Variants in CAMSAP1 observed in about 807,000 individuals in gnomAD.
The protein encoded by CAMSAP1 is calmodulin regulated spectrin associated protein 1, also known as calmodulin-regulated spectrin-associated protein 1.
Under a neutral mutation model 143.5 loss-of-function variants are expected in CAMSAP1, and 58 were observed. The observed-to-expected ratio is 0.40, with a 90% CI of 0.33 to 0.50. The LOEUF is 0.50. Among genes scored for constraint, CAMSAP1 ranks in the 20% least tolerant of loss-of-function variants. The pLI is 0.45. For missense variants in CAMSAP1, 1,969 were observed against 2,115.7 expected, an observed-to-expected ratio of 0.93 and a Z score of 1.36; for synonymous variants, 945 against 859.3, an observed-to-expected ratio of 1.10 and a Z score of -1.74.
intron 3 of CAMSAP1, among the ~76,000 whole-genome samples, chr9:135,880,243 C>T (rs1273243482): frequency 6.6e-6 from 1 of 152,138 alleles, no homozygotes; most frequent in Non-Finnish European, 1.5e-5. Context: ...GGCCTGAACA[C>T]CATTTTCCAC....
At chr9:135,835,033 G>T (rs2131694076) in intron 7 of CAMSAP1, among the ~76,000 whole-genome samples, 1 of 152,244 alleles carries the variant, frequency 6.6e-6, no homozygotes, top group African/African-American at 2.4e-5. Context: ...TCAGCAGCCA[G>T]GGGAGGCTGT....
At chr9:135,827,092 T>C (rs1488981680) in intron 8 of CAMSAP1, among the ~76,000 whole-genome samples, 2 of 152,182 alleles carry the variant, frequency 1.3e-5, no homozygotes, top group African/African-American at 4.8e-5. Flanking sequence ...ACCTAAACTG[T>C]CAATTCAACT....
intron 7 of CAMSAP1, among the ~76,000 whole-genome samples, chr9:135,848,437 G>C (rs1339609374): frequency 6.6e-6 from 1 of 152,112 alleles, no homozygotes; most frequent in Admixed American, 6.5e-5. Flanking sequence ...CTCGGGTCCA[G>C]AAGAGAAAGT....
intron 3 of CAMSAP1, among the ~76,000 whole-genome samples, chr9:135,867,302 G>T (rs1021711521): frequency 6.6e-6 from 1 of 152,052 alleles, no homozygotes; most frequent in Non-Finnish European, 1.5e-5. Context: ...GAAAGTAGAA[G>T]AAAGGATATT....
In CAMSAP1 at chr9:135,821,435, C is replaced by G. The variant is rs150096487; in HGVS notation, c.3226G>C (p.Val1076Leu). 6.2e-7 allele frequency: 1 copy of G among 1,614,054 alleles called. No homozygotes were observed. Among genetic ancestry groups the G allele is most frequent in the Non-Finnish European group, 8.5e-7 (1 of 1,179,900 alleles). ...DHKVKAPVHF[V>L]EPLSPTGVAG... ...ACGCCCGTGGGAGAGAGTGGCTCCA[C>G]GAAGTGGACTGGTGCCTTCACTTTG... Residue 1076 changes from valine to leucine, a missense_variant, in exon 11 of 17, where the codon GTG becomes CTG. Around this residue, in one of 4 missense-constraint regions of CAMSAP1, gnomAD observed 1,390 missense variants for 1,420.8 expected, o/e 0.98. Coordinates refer to ENST00000389532, the MANE Select transcript of CAMSAP1 (RefSeq NM_015447.4). This position sits in a 1 kb window ranked among gnomAD's most constrained non-coding sequence, Gnocchi z 4.6.
rs751697380 is a variant in CAMSAP1 at position 135,821,979 on chromosome 9, G to A, written c.2682C>T (p.Ala894=). 8.7e-6 allele frequency: 14 copies of A among 1,612,634 alleles called. No homozygotes were observed. Among genetic ancestry groups the A allele is most frequent in the Non-Finnish European group, 1.2e-5 (14 of 1,179,536 alleles). ...ACAGCGCCTCCATCTTCTTCTTCTG[G>A]GCCTCGATGGCCCTGCGCTTCTCCT... ...QLEEKRRAIE[A]QKKKMEALSA... Residue 894 remains alanine (A), a synonymous_variant, in exon 11 of 17, where the codon GCC becomes GCT. Transcript: ENST00000389532. The surrounding 1 kb of genome is among the most constrained non-coding windows in gnomAD (Gnocchi z 4.6).
intron 7 of CAMSAP1, among the ~76,000 whole-genome samples, chr9:135,835,004 G>A (rs1835970712): frequency 1.3e-5 from 2 of 152,094 alleles, no homozygotes; most frequent in Admixed American, 6.5e-5. Flanking sequence ...GTGGAGCTGC[G>A]GGGTGTAGCC....
chr9:135,872,325 T>C (rs146765486), intron 3 of CAMSAP1, among the ~76,000 whole-genome samples: 184 of 152,322 alleles, frequency 1.2e-3, no homozygotes, highest in African/African-American at 4.2e-3. Flanking sequence ...CTTCTGCTAT[T>C]TGTGCAATGG....
chr9:135,829,980 T>G (rs1835803567), intron 7 of CAMSAP1, among the ~76,000 whole-genome samples: 1 of 152,004 alleles, frequency 6.6e-6, no homozygotes, highest in Admixed American at 6.6e-5. Context: ...AGCTGAGAGG[T>G]CTTGCATATA....
chr9:135,838,589 C>T (rs377134225), intron 7 of CAMSAP1, among the ~76,000 whole-genome samples: 13 of 148,938 alleles, frequency 8.7e-5, no homozygotes, highest in African/African-American at 2.5e-4. Flanking sequence ...CACATCATCA[C>T]GCACTTTCTA....
chr9:135,845,362 G>C (rs1174169088), intron 7 of CAMSAP1, among the ~76,000 whole-genome samples: 1 of 152,078 alleles, frequency 6.6e-6, no homozygotes, highest in Non-Finnish European at 1.5e-5. Flanking sequence ...TTGATGGGAC[G>C]TATCTCAAAA....
At chr9:135,906,976 C>G (rs1172215293) in intron 1 of CAMSAP1, 24 bp downstream of exon 1, 3 of 1,048,780 alleles carry the variant, frequency 2.9e-6, no homozygotes, top group African/African-American at 1.7e-5. Flanking sequence ...CTGGCCCCCG[C>G]CCCGCGCCCC....
intron 1 of CAMSAP1, among the ~76,000 whole-genome samples, chr9:135,890,337 C>T (rs1172794957): frequency 2.0e-5 from 3 of 152,094 alleles, no homozygotes; most frequent in Non-Finnish European, 4.4e-5. Flanking sequence ...CTGCGGGAGG[C>T]TCTGGCCGGC....
chr9:135,895,964 G>A (rs976245014), intron 1 of CAMSAP1, among the ~76,000 whole-genome samples: 3 of 152,058 alleles, frequency 2.0e-5, no homozygotes, highest in Non-Finnish European at 2.9e-5. Context: ...GTCAAGAGAA[G>A]AGAAACAGGA....
At chr9:135,896,671 A>T (rs1838465486) in intron 1 of CAMSAP1, among the ~76,000 whole-genome samples, 1 of 152,242 alleles carries the variant, frequency 6.6e-6, no homozygotes, top group African/African-American at 2.4e-5. Context: ...TATCTTAATG[A>T]AATCATATGG....
At chr9:135,893,144 T>C (rs1838338869) in intron 1 of CAMSAP1, among the ~76,000 whole-genome samples, 1 of 150,974 alleles carries the variant, frequency 6.6e-6, no homozygotes, top group Non-Finnish European at 1.5e-5. Context: ...CACTCCAGCC[T>C]GGGAGACAGA....
intron 5 of CAMSAP1, among the ~76,000 whole-genome samples, chr9:135,850,740 C>T (rs1836745875): frequency 6.6e-6 from 1 of 152,186 alleles, no homozygotes; most frequent in Admixed American, 6.5e-5. Context: ...CCAAAACAAA[C>T]AGCAACAATC....
chr9:135,849,839 T>C (rs1836709190), intron 7 of CAMSAP1: 1 of 237,708 alleles, frequency 4.2e-6, no homozygotes, highest in Non-Finnish European at 8.2e-6. Flanking sequence ...GACAGATTAT[T>C]TTAATCTGTA....
Position 135,850,411 on chromosome 9 carries a change from G to A in CAMSAP1, c.859C>T (p.Arg287Trp), listed in dbSNP as rs1049080690. 5 of 1,611,060 alleles carry A rather than the reference G, an allele frequency of 3.1e-6. No individual in the cohort carries two copies. Among genetic ancestry groups the A allele is most frequent in the Non-Finnish European group, 4.2e-6 (5 of 1,179,060 alleles). Residue 287 changes from arginine to tryptophan, a missense_variant, in exon 6 of 17, where the codon CGG becomes TGG. By Grantham distance (101) the Arg-to-Trp change is moderately radical. This residue lies in a region of CAMSAP1 where 221 missense variants were observed against 298.2 expected (regional missense o/e 0.74). Coordinates refer to ENST00000389532, the MANE Select transcript of CAMSAP1 (RefSeq NM_015447.4). ...TSMADSLYNI[R>W]LLREFSNEYL... ...TCATTGGAGAATTCTCTCAGAAGCCGAATATTATACAGACTGTCGGCCATC... is the reference window on the plus strand; with the variant it reads ...TCATTGGAGAATTCTCTCAGAAGCCAAATATTATACAGACTGTCGGCCATC...
Sources: allele counts gnomAD v4.1 joint callset (sites outside exome capture counted in the v4.1 genomes callset), GRCh38; gene constraint gnomAD v4.1.1; regional missense constraint gnomAD v4.1.1; non-coding constraint Gnocchi (gnomAD v3.1); transcripts MANE v1.5; gene names NCBI Gene and HGNC (gene_info 2026-07-23, HGNC 2026-07-21).